SLC25A21: variants seen among roughly 807,000 people sequenced by gnomAD.
The protein encoded by SLC25A21 is mitochondrial 2-oxodicarboxylate carrier.
A neutral mutation model predicts 43.8 loss-of-function variants in SLC25A21; 47 were observed. The observed-to-expected ratio is 1.07, with a 90% CI of 0.85 to 1.37. The LOEUF is 1.37. SLC25A21 is among the 40% of genes most tolerant of loss of function. The pLI, the probability that SLC25A21 is intolerant of heterozygous loss-of-function variation, is 0.00. For missense variants in SLC25A21, 352 were observed against 350.2 expected, an observed-to-expected ratio of 1.00 and a Z score of -0.04; for synonymous variants, 131 against 121.3, an observed-to-expected ratio of 1.08 and a Z score of -0.52.
intron 1 of SLC25A21, among the ~76,000 whole-genome samples, chr14:37,143,451 T>C (rs1035155535): frequency 2.6e-5 from 4 of 152,142 alleles, no homozygotes; most frequent in Admixed American, 6.5e-5. Flanking sequence ...TTCATGGACA[T>C]TGGAGATAAC....
At chr14:37,044,774 T>C (rs978250843) in intron 1 of SLC25A21, among the ~76,000 whole-genome samples, 2 of 152,234 alleles carry the variant, frequency 1.3e-5, no homozygotes, top group African/African-American at 2.4e-5. Context: ...CTCCTAACCC[T>C]GTCTTGACTT....
In SLC25A21 at chr14:36,940,972, C is replaced by T. The variant is rs572466745; in HGVS notation, c.71-65968G>A. 9.2e-5 allele frequency among the ~76,000 whole-genome samples: 14 copies of T among 152,168 alleles called. No individual in the cohort carries two copies. In the South Asian group the frequency reaches 2.9e-3, roughly 32 times the overall value. On this transcript the variant is annotated intron_variant, in intron 1 of 9. Coordinates refer to ENST00000331299, the MANE Select transcript of SLC25A21 (RefSeq NM_030631.4). ...TTTCAGATTAAACAGCATTTCATTGCTTTCTTTTTTCTTTTTTTCACACAA... is the reference window on the plus strand; with the variant it reads ...TTTCAGATTAAACAGCATTTCATTGTTTTCTTTTTTCTTTTTTTCACACAA...
chr14:36,944,692 G>A (rs1362419473), intron 1 of SLC25A21, among the ~76,000 whole-genome samples: 1 of 152,120 alleles, frequency 6.6e-6, no homozygotes, highest in Non-Finnish European at 1.5e-5. Context: ...GAATTCATAT[G>A]TGCCTCCTTA....
intron 1 of SLC25A21, among the ~76,000 whole-genome samples, chr14:36,884,249 T>C (rs118178534): frequency 1.9e-3 from 286 of 152,324 alleles, no homozygotes; most frequent in Non-Finnish European, 3.6e-3. Flanking sequence ...TGTCTATTCA[T>C]GTCTTGCTTA....
chr14:36,705,690 T>C (rs1473443210), intron 7 of SLC25A21, among the ~76,000 whole-genome samples: 2 of 152,134 alleles, frequency 1.3e-5, no homozygotes, highest in African/African-American at 2.4e-5. Flanking sequence ...ACCAAGTACT[T>C]TGAAGATGAA....
intron 1 of SLC25A21, among the ~76,000 whole-genome samples, chr14:37,066,410 G>A (rs756613716): frequency 1.1e-4 from 17 of 152,136 alleles, no homozygotes; most frequent in Admixed American, 4.6e-4. Context: ...ACATGGCACT[G>A]GAGAGGAATA....
intron 1 of SLC25A21, among the ~76,000 whole-genome samples, chr14:37,063,130 A>G (rs2138814699): frequency 6.6e-6 from 1 of 152,262 alleles, no homozygotes; most frequent in East Asian, 1.9e-4. Flanking sequence ...CAGGATGGAG[A>G]AACCGCCCCC....
intron 1 of SLC25A21, among the ~76,000 whole-genome samples, chr14:36,965,260 C>T (rs936934763): frequency 5.9e-5 from 9 of 152,128 alleles, no homozygotes; most frequent in Non-Finnish European, 7.4e-5. Context: ...ATCACCATGA[C>T]TTTCCACATA....
intron 1 of SLC25A21, among the ~76,000 whole-genome samples, chr14:37,158,985 T>C (rs1963894733): frequency 6.6e-6 from 1 of 152,046 alleles, no homozygotes; most frequent in African/African-American, 2.4e-5. Context: ...CCATTTACTA[T>C]AGCTATAAAA....
At chr14:36,836,849 A>T (rs1227574745) in intron 2 of SLC25A21, among the ~76,000 whole-genome samples, 4 of 152,200 alleles carry the variant, frequency 2.6e-5, no homozygotes, top group African/African-American at 9.6e-5. Flanking sequence ...GATGCAGGAG[A>T]TGAATATATT....
At chr14:36,788,278 T>C (rs969062094) in intron 3 of SLC25A21, among the ~76,000 whole-genome samples, 4 of 151,848 alleles carry the variant, frequency 2.6e-5, no homozygotes, top group African/African-American at 9.7e-5. Context: ...TGGAGGAGAT[T>C]GGCACTGAAG....
chr14:36,941,308 C>T lies in SLC25A21; in HGVS notation c.71-66304G>A, dbSNP rs1476406890. Reference sequence around the variant, plus strand: ...AGTTTAGGCAGTCAACATTTTGTGGCTTCCATCATTTTCAAAGATTATGCT... The same window carrying T: ...AGTTTAGGCAGTCAACATTTTGTGGTTTCCATCATTTTCAAAGATTATGCT... On this transcript the variant is annotated intron_variant, in intron 1 of 9. Coordinates refer to ENST00000331299, the MANE Select transcript of SLC25A21 (RefSeq NM_030631.4). Among the ~76,000 whole-genome samples, 9 of 152,188 alleles carry T rather than the reference C, an allele frequency of 5.9e-5. No individual in the cohort carries two copies. The East Asian group carries it at 1.5e-3, about 26-fold the overall frequency.
chr14:37,120,529 A>C (rs1963188895), intron 1 of SLC25A21, among the ~76,000 whole-genome samples: 1 of 152,176 alleles, frequency 6.6e-6, no homozygotes, highest in Non-Finnish European at 1.5e-5. Flanking sequence ...AAGAACACCA[A>C]AACAGCTGCC....
At chr14:37,090,056 C>T (rs1962555955) in intron 1 of SLC25A21, among the ~76,000 whole-genome samples, 1 of 152,172 alleles carries the variant, frequency 6.6e-6, no homozygotes, top group Non-Finnish European at 1.5e-5. Flanking sequence ...TCAACTTCTC[C>T]CCCATTCATC....
In SLC25A21 at chr14:36,822,413, C is replaced by T. The variant is rs139706238; in HGVS notation, c.120-8412G>A. 1.8e-3 allele frequency among the ~76,000 whole-genome samples: 279 copies of T among 152,262 alleles called. 1 individual carries two copies. Among genetic ancestry groups the T allele is most frequent in the Admixed American group, 2.5e-3 (38 of 15,288 alleles). On this transcript the variant is annotated intron_variant, in intron 2 of 9. Transcript: ENST00000331299. Reference sequence around the variant, plus strand: ...TAGTCATTTCCACAGGACACAGAAACCTGTGGTTAAAATTAAGATGTTCTT... The same window carrying T: ...TAGTCATTTCCACAGGACACAGAAATCTGTGGTTAAAATTAAGATGTTCTT...
At chr14:36,982,838 C>CAAACA (rs150239734) in intron 1 of SLC25A21, among the ~76,000 whole-genome samples, 25 of 151,432 alleles carry the variant, frequency 1.7e-4, no homozygotes, top group African/African-American at 5.6e-4. Context: ...ACAACAACAA[C>CAAACA]AAACAAAACA....
At chr14:36,890,008 T>C (rs568360427) in intron 1 of SLC25A21, among the ~76,000 whole-genome samples, 1 of 152,322 alleles carries the variant, frequency 6.6e-6, no homozygotes, top group South Asian at 2.1e-4. Context: ...ATTTTTTGAG[T>C]GCCTACTGTG....
At chr14:36,766,597 G>T (rs1363916033) in intron 3 of SLC25A21, among the ~76,000 whole-genome samples, 1 of 152,108 alleles carries the variant, frequency 6.6e-6, no homozygotes. Context: ...AACCCAGAGT[G>T]GGTTGCTGGT....
At chr14:37,073,097 C>G (rs1022825826) in intron 1 of SLC25A21, among the ~76,000 whole-genome samples, 1 of 152,168 alleles carries the variant, frequency 6.6e-6, no homozygotes, top group Non-Finnish European at 1.5e-5. Context: ...GCAAATAGAT[C>G]ACTTTGACCT....
Sources: allele counts gnomAD v4.1 joint callset (sites outside exome capture counted in the v4.1 genomes callset), GRCh38; gene constraint gnomAD v4.1.1; transcripts MANE v1.5; gene names NCBI Gene and HGNC (gene_info 2026-07-23, HGNC 2026-07-21).